Variants in CHD9 observed in about 807,000 individuals in gnomAD.
CHD9 encodes ATP-dependent chromatin remodeler CHD9.
Under a neutral mutation model 316.1 loss-of-function variants are expected in CHD9, and 77 were observed. That is an observed-to-expected ratio of 0.24 (90% confidence interval 0.20 to 0.29). CHD9 has a LOEUF of 0.29. CHD9 is among the 10% of genes least tolerant of loss of function. CHD9 has a pLI of 1.00. For synonymous variants in CHD9, 1,129 were observed against 1,158.3 expected (o/e 0.97, Z 0.51); for missense variants, 2,763 against 3,438.1 (o/e 0.80, Z 4.91).
Position 53,236,770 on chromosome 16 carries a change from C to T in CHD9, c.2633+1464C>T, listed in dbSNP as rs900340009. ...TACTCCTTCCTTCTTTAAACATTCC[C>T]CTCACTCTGAACTCCAACAGTTTCC... On this transcript the variant is annotated intron_variant, in intron 11 of 38. Coordinates refer to ENST00000447540, the MANE Select transcript of CHD9 (RefSeq NM_001308319.2). 2.0e-5 allele frequency among the ~76,000 whole-genome samples: 3 copies of T among 152,082 alleles called. No individual in the cohort carries two copies. In the East Asian group the frequency reaches 5.8e-4, roughly 29 times the overall value.
At chr16:53,123,207 T>C in intron 1 of CHD9, among the ~76,000 whole-genome samples, 1 of 151,724 alleles carries the variant, frequency 6.6e-6, no homozygotes, top group Non-Finnish European at 1.5e-5. Context: ...TTGAGATAGT[T>C]TTATACTTGA....
intron 17 of CHD9, among the ~76,000 whole-genome samples, chr16:53,253,615 A>G (rs1332873309): frequency 6.6e-6 from 1 of 152,198 alleles, no homozygotes; most frequent in Non-Finnish European, 1.5e-5. Context: ...TAAATAAAAT[A>G]TATTGAAAAG....
Position 53,060,068 on chromosome 16 carries a change from G to C in CHD9, c.-165+4991G>C, listed in dbSNP as rs576123725. Reference sequence around the variant, plus strand: ...ATTTAAAAATGTAAAAGCTGGCCAGGCATGGTGGCTCATATCTGTGATCCC... The same window carrying C: ...ATTTAAAAATGTAAAAGCTGGCCAGCCATGGTGGCTCATATCTGTGATCCC... On this transcript the variant is annotated intron_variant, in intron 1 of 38. Coordinates refer to ENST00000447540, the MANE Select transcript of CHD9 (RefSeq NM_001308319.2). Among the ~76,000 whole-genome samples the C allele has an allele frequency of 2.0e-5, 3 of 152,228 alleles. No homozygotes were observed. In the South Asian group the frequency reaches 6.2e-4, roughly 32 times the overall value.
Position 53,308,806 on chromosome 16 carries a change from G to A in CHD9, c.7174G>A (p.Ala2392Thr). 1.2e-6 allele frequency: 2 copies of A among 1,613,744 alleles called. No homozygotes were observed. Among genetic ancestry groups the A allele is most frequent in the Non-Finnish European group, 1.7e-6 (2 of 1,179,802 alleles). ...CACTCGGCTTCGAGAGCTTCAAAGT[G>A]CATCAGAGACCAGCCTCGTCAATTT... ...YLTRLRELQSASETSLVNFPK... is the reference protein window; with the variant it reads ...YLTRLRELQSTSETSLVNFPK... The change falls in exon 34 of 39, where the codon GCA becomes ACA. Residue 2392 changes from alanine (A) to threonine (T), a missense_variant. Transcript: ENST00000447540.
chr16:53,162,565 CATGTT>C (rs1442110063), intron 2 of CHD9, among the ~76,000 whole-genome samples: 1 of 152,048 alleles, frequency 6.6e-6, no homozygotes, highest in Non-Finnish European at 1.5e-5. Flanking sequence ...GTAAGTGAAA[CATGTT>C]ATGAGGGATG....
At position 53,324,210 on chromosome 16, in the gene CHD9, C is replaced by G. The variant is rs1228049944; in HGVS notation, c.8009C>G (p.Thr2670Arg). 6.2e-7 allele frequency: 1 copy of G among 1,605,030 alleles called. No individual in the cohort carries two copies. Among genetic ancestry groups the G allele is most frequent in the Non-Finnish European group, 8.5e-7 (1 of 1,175,694 alleles). ...ANGLLPGVDLTTLQALQQNLQ... is the reference protein window; with the variant it reads ...ANGLLPGVDLRTLQALQQNLQ... The stretch of plus-strand genomic sequence containing the variant: ...GGACTACTTCCAGGTGTGGATCTCA[C>G]AACTCTTCAGGCCTTACAACAAAAC... Residue 2670 changes from threonine to arginine, a missense_variant, in exon 39 of 39, where the codon ACA becomes AGA. Transcript: ENST00000447540.
At chr16:53,286,541 C>G (rs1333008770) in intron 26 of CHD9, among the ~76,000 whole-genome samples, 198 bp downstream of exon 26, 1 of 152,136 alleles carries the variant, frequency 6.6e-6, no homozygotes, top group African/African-American at 2.4e-5. Context: ...TGGACCTGCC[C>G]CACACCCATT....
intron 16 of CHD9, chr16:53,247,897 C>T (rs2049771930): frequency 6.3e-6 from 1 of 157,598 alleles, no homozygotes. Context: ...TAATTAGAGC[C>T]TTAAGTTGTG....
Position 53,303,916 on chromosome 16 carries a change from G to T in CHD9, c.5910G>T (p.Leu1970Phe). The T allele has an allele frequency of 1.2e-6, 2 of 1,613,996 alleles. No homozygotes were observed. The highest frequency in any genetic ancestry group is 1.7e-6 in the Non-Finnish European group (2 of 1,179,876). The change falls in exon 31 of 39, where the codon TTG becomes TTT. Residue 1970 changes from leucine to phenylalanine, a missense_variant. Leu to Phe is a conservative substitution (Grantham distance 22, BLOSUM62 0). This residue lies in a region of CHD9 where 663 missense variants were observed against 751.2 expected (regional missense o/e 0.88). Transcript: ENST00000447540. ...AATGTGGCCCTCATGATAGGGATTT[G>T]CTTATTGGTGCTGCCAAACACGGGG... The part of the protein sequence containing the change: ...WWECGPHDRD[L>F]LIGAAKHGVS...
chr16:53,269,713 T>C (rs955672776), intron 22 of CHD9, among the ~76,000 whole-genome samples: 5 of 152,086 alleles, frequency 3.3e-5, no homozygotes, highest in African/African-American at 1.2e-4. Flanking sequence ...AACAAAAGAC[T>C]TGGATTCCTC....
At chr16:53,281,661 G>A (rs144800725) in intron 24 of CHD9, among the ~76,000 whole-genome samples, 4 of 152,236 alleles carry the variant, frequency 2.6e-5, no homozygotes, top group African/African-American at 9.6e-5. Flanking sequence ...AACTCTGTAC[G>A]TACTTTCTTT....
At chr16:53,090,781 G>A (rs989158699) in intron 1 of CHD9, among the ~76,000 whole-genome samples, 16 of 152,170 alleles carry the variant, frequency 1.1e-4, no homozygotes, top group African/African-American at 3.9e-4. Context: ...CCACTTGGGG[G>A]CAGGGGGGTG....
At chr16:53,109,452 C>G (rs542839654) in intron 1 of CHD9, among the ~76,000 whole-genome samples, 11 of 152,148 alleles carry the variant, frequency 7.2e-5, no homozygotes, top group African/African-American at 2.6e-4. Context: ...CCTACCTCAG[C>G]CTCCCATATA....
intron 2 of CHD9, among the ~76,000 whole-genome samples, chr16:53,196,197 T>C (rs2044901508): frequency 6.6e-6 from 1 of 152,198 alleles, no homozygotes; most frequent in Admixed American, 6.5e-5. Flanking sequence ...CTCATCTGCA[T>C]GTGTTTGTGT....
At chr16:53,237,895 T>G (rs2048765024) in intron 11 of CHD9, among the ~76,000 whole-genome samples, 1 of 152,150 alleles carries the variant, frequency 6.6e-6, no homozygotes, top group Non-Finnish European at 1.5e-5. Flanking sequence ...AAACCAGTGC[T>G]TTATCTGTGC....
At chr16:53,190,865 A>C (rs190829107) in intron 2 of CHD9, among the ~76,000 whole-genome samples, 1 of 152,244 alleles carries the variant, frequency 6.6e-6, no homozygotes, top group East Asian at 1.9e-4. Flanking sequence ...AAAGAAGAGG[A>C]GTTATTAAAC....
chr16:53,190,382 A>G (rs2044384177), intron 2 of CHD9, among the ~76,000 whole-genome samples: 1 of 152,046 alleles, frequency 6.6e-6, no homozygotes, highest in African/African-American at 2.4e-5. Flanking sequence ...TTCTCTGTGG[A>G]CTCTGAGAAT....
intron 2 of CHD9, chr16:53,208,309 A>C (rs550936285): frequency 7.8e-7 from 1 of 1,281,274 alleles, no homozygotes; most frequent in East Asian, 5.7e-5. Flanking sequence ...CCTTTGTCTG[A>C]CGCCAAAAAT....
At chr16:53,116,275 G>A (rs558125764) in intron 1 of CHD9, among the ~76,000 whole-genome samples, 1 of 152,278 alleles carries the variant, frequency 6.6e-6, no homozygotes, top group East Asian at 1.9e-4. Context: ...GGCCAGGCTG[G>A]TCTCAACCTC....
Sources: allele counts gnomAD v4.1 joint callset (sites outside exome capture counted in the v4.1 genomes callset), GRCh38; gene constraint gnomAD v4.1.1; regional missense constraint gnomAD v4.1.1; transcripts MANE v1.5; gene names NCBI Gene and HGNC (gene_info 2026-07-23, HGNC 2026-07-21).